The following SPMAP2L variants were observed in gnomAD, a reference collection of about 807,000 sequenced individuals.
SPMAP2L encodes the protein sperm microtubule associated protein 2 like, also known as sperm microtubule associated protein 2-like.
chr4:56,547,094 T>C, the SPMAP2L span, among the ~76,000 whole-genome samples: 1 of 152,214 alleles, frequency 6.6e-6, no homozygotes, highest in Non-Finnish European at 1.5e-5. Context: ...GTTAATTGTG[T>C]TTCCTACAGT....
chr4:56,531,241 A>C, the SPMAP2L span: 1 of 1,452,526 alleles, frequency 6.9e-7, no homozygotes, highest in Non-Finnish European at 9.1e-7. Context: ...CTGAGCACCC[A>C]CGCCCCATCT....
chr4:56,615,179 G>T, the SPMAP2L span, among the ~76,000 whole-genome samples: 46 of 152,338 alleles, frequency 3.0e-4, no homozygotes, highest in Middle Eastern at 6.8e-3. Context: ...CCTCCTCAGC[G>T]TTGGTGCTTC....
At chr4:56,619,705 T>C in the SPMAP2L span, among the ~76,000 whole-genome samples, 156 of 152,106 alleles carry the variant, frequency 1.0e-3, 1 homozygote, top group African/African-American at 3.6e-3. Context: ...GCAACAAAAC[T>C]AAAAAATAAG....
At chr4:56,602,649 C>T in the SPMAP2L span, among the ~76,000 whole-genome samples, 10 of 151,992 alleles carry the variant, frequency 6.6e-5, no homozygotes, top group Non-Finnish European at 1.2e-4. Context: ...GAGCAGAGAT[C>T]GCACCACTGC....
chr4:56,599,380 C>T, the SPMAP2L span, among the ~76,000 whole-genome samples: 4,953 of 152,052 alleles, frequency 0.033, 249 homozygotes, highest in African/African-American at 0.11. Flanking sequence ...TTATTTTTTA[C>T]TTTATTTTTT....
At chr4:56,536,907 G>A in the SPMAP2L span, among the ~76,000 whole-genome samples, 1 of 152,124 alleles carries the variant, frequency 6.6e-6, no homozygotes, top group African/African-American at 2.4e-5. Flanking sequence ...GGGATTACAA[G>A]TATGCACCAC....
the SPMAP2L span, chr4:56,595,337 T>C: frequency 6.2e-7 from 1 of 1,609,322 alleles, no homozygotes; most frequent in Admixed American, 1.7e-5. Flanking sequence ...CACGCCCCTA[T>C]CATGCCCTGG....
chr4:56,531,218 C>T, the SPMAP2L span: 3 of 1,481,598 alleles, frequency 2.0e-6, no homozygotes, highest in Non-Finnish European at 2.7e-6. Context: ...CCCTTCCCCT[C>T]ATTCCCCACG....
At chr4:56,549,654 C>T in the SPMAP2L span, among the ~76,000 whole-genome samples, 1 of 152,268 alleles carries the variant, frequency 6.6e-6, no homozygotes, top group East Asian at 1.9e-4. Flanking sequence ...AATCTAAAAT[C>T]CCAAGTGCTC....
chr4:56,549,676 A>G, the SPMAP2L span, among the ~76,000 whole-genome samples: 7 of 152,196 alleles, frequency 4.6e-5, no homozygotes, highest in Admixed American at 4.6e-4. Flanking sequence ...AAAATCTGAA[A>G]CTTTTTGAGC....
the SPMAP2L span, chr4:56,593,667 G>A: frequency 3.4e-5 from 54 of 1,604,096 alleles, 1 homozygote; most frequent in Admixed American, 1.8e-4. Context: ...TTTGCCGTCC[G>A]AGAAAGCTTG....
the SPMAP2L span, among the ~76,000 whole-genome samples, chr4:56,576,483 ACTAG>A: frequency 6.6e-6 from 1 of 152,162 alleles, no homozygotes; most frequent in Non-Finnish European, 1.5e-5. Flanking sequence ...AATCTTTCTG[ACTAG>A]CTATTGGGTA....
chr4:56,552,789 G>A, the SPMAP2L span, among the ~76,000 whole-genome samples: 1 of 152,140 alleles, frequency 6.6e-6, no homozygotes, highest in African/African-American at 2.4e-5. Flanking sequence ...AAATTTGGCT[G>A]TACATTGGAA....
At chr4:56,575,235 C>A in the SPMAP2L span, among the ~76,000 whole-genome samples, 3 of 144,080 alleles carry the variant, frequency 2.1e-5, no homozygotes, top group South Asian at 2.2e-4. Context: ...GGCGACAGAG[C>A]GAGACTCCAT....
the SPMAP2L span, among the ~76,000 whole-genome samples, chr4:56,573,016 CAAA>C: frequency 4.4e-5 from 5 of 112,538 alleles, no homozygotes; most frequent in Non-Finnish European, 7.6e-5. Flanking sequence ...ACTCTATCTC[CAAA>C]AAAAAAAAAA....
the SPMAP2L span, among the ~76,000 whole-genome samples, chr4:56,553,491 C>T: frequency 8.3e-6 from 1 of 120,430 alleles, no homozygotes; most frequent in Non-Finnish European, 1.9e-5. Flanking sequence ...CCATGCCTGT[C>T]CTATTGCTTT....
chr4:56,571,451 T>G, the SPMAP2L span, among the ~76,000 whole-genome samples: 1 of 151,988 alleles, frequency 6.6e-6, no homozygotes, highest in Non-Finnish European at 1.5e-5. Flanking sequence ...CAGCTGGGAC[T>G]ACAGGTGTGC....
chr4:56,561,402 T>A, the SPMAP2L span, among the ~76,000 whole-genome samples: 1 of 152,170 alleles, frequency 6.6e-6, no homozygotes, highest in Non-Finnish European at 1.5e-5. Flanking sequence ...AGCTCATGGT[T>A]CTATAAACAG....
chr4:56,593,271 G>A, the SPMAP2L span: 3 of 1,208,504 alleles, frequency 2.5e-6, no homozygotes, highest in Non-Finnish European at 3.7e-6. Flanking sequence ...CGGCTGCAGA[G>A]GCGCTGCAGC....
Sources: gnomAD v4.1 joint callset for allele counts (sites outside exome capture counted in the v4.1 genomes callset) on GRCh38, gnomAD v4.1.1 for gene constraint, MANE v1.5 for transcripts, NCBI Gene and HGNC (gene_info 2026-07-23, HGNC 2026-07-21) for gene names.